The following ANK1 variants were observed in gnomAD, a reference collection of about 807,000 sequenced individuals.
The protein encoded by ANK1 is ankyrin 1.
ANK1 carries 51 observed loss-of-function variants against 210.4 expected under a neutral mutation model. The ratio of observed to expected loss-of-function variants is 0.24; its 90% CI spans 0.19 to 0.31. ANK1 has a LOEUF of 0.31. ANK1 is among the 10% of genes least tolerant of loss of function. ANK1 has a pLI of 1.00. For synonymous variants in ANK1, 967 were observed against 1,025.9 expected (o/e 0.94, Z 1.10); for missense variants, 2,051 against 2,504.4 (o/e 0.82, Z 3.86).
At chr8:41,871,919 A>T (rs1815584504) in intron 1 of ANK1, among the ~76,000 whole-genome samples, 1 of 152,118 alleles carries the variant, frequency 6.6e-6, no homozygotes, top group Non-Finnish European at 1.5e-5. Context: ...CCTCCCAGGG[A>T]TCTTGGCTGG....
intron 1 of ANK1, among the ~76,000 whole-genome samples, chr8:41,817,546 A>T (rs1436373284): frequency 6.6e-6 from 1 of 152,172 alleles, no homozygotes; most frequent in Non-Finnish European, 1.5e-5. Context: ...CATCCATCCG[A>T]TCTTCAGTTT....
chr8:41,777,816 A>G (rs1844420916), intron 1 of ANK1, among the ~76,000 whole-genome samples: 4 of 152,174 alleles, frequency 2.6e-5, no homozygotes, highest in African/African-American at 9.7e-5. Flanking sequence ...GTCAAGCATT[A>G]GAGAAAGAAT....
intron 3 of ANK1, among the ~76,000 whole-genome samples, chr8:41,733,372 G>A (rs963302027): frequency 2.6e-5 from 4 of 152,218 alleles, no homozygotes; most frequent in Admixed American, 6.5e-5. Flanking sequence ...ACAACCTTCA[G>A]TAACAACATG....
chr8:41,789,664 A>G (rs1441234566), intron 1 of ANK1, among the ~76,000 whole-genome samples: 1 of 152,200 alleles, frequency 6.6e-6, no homozygotes, highest in Non-Finnish European at 1.5e-5. Context: ...TTTCAGCACG[A>G]CCAGTATGGT....
At chr8:41,732,369 G>A (rs981050080) in intron 3 of ANK1, among the ~76,000 whole-genome samples, 5 of 152,160 alleles carry the variant, frequency 3.3e-5, no homozygotes, top group African/African-American at 9.6e-5. Context: ...AGTAACTGGG[G>A]AGACAGTACT....
chr8:41,762,563 G>T (rs1472264627), intron 1 of ANK1, among the ~76,000 whole-genome samples: 1 of 152,096 alleles, frequency 6.6e-6, no homozygotes, highest in South Asian at 2.1e-4. Flanking sequence ...CACATCCTAG[G>T]TTCCTCAGCA....
chr8:41,729,196 C>G (rs929750428), intron 3 of ANK1, among the ~76,000 whole-genome samples: 68 of 152,068 alleles, frequency 4.5e-4, no homozygotes, highest in Non-Finnish European at 1.5e-4. Context: ...AAGAAAAATA[C>G]AAAGAATATG....
intron 37 of ANK1, among the ~76,000 whole-genome samples, chr8:41,683,659 T>C (rs897881395): frequency 2.2e-4 from 34 of 152,302 alleles, no homozygotes; most frequent in Non-Finnish European, 4.0e-4. Context: ...ATTTTAGGGA[T>C]CCAATCCAAC....
intron 3 of ANK1, among the ~76,000 whole-genome samples, chr8:41,728,309 C>G (rs990965762): frequency 4.6e-5 from 7 of 152,320 alleles, no homozygotes; most frequent in African/African-American, 1.7e-4. Flanking sequence ...TTACATGAAG[C>G]AACTCAGAAG....
intron 38 of ANK1, among the ~76,000 whole-genome samples, chr8:41,669,629 G>A (rs970638042): frequency 6.6e-6 from 1 of 152,126 alleles, no homozygotes; most frequent in Non-Finnish European, 1.5e-5. Context: ...GCAGTGGGCA[G>A]GTCGAGGACA....
intron 1 of ANK1, among the ~76,000 whole-genome samples, chr8:41,806,381 G>A (rs1265030913): frequency 6.6e-6 from 1 of 152,000 alleles, no homozygotes; most frequent in African/African-American, 2.4e-5. Context: ...TGTATAAAAA[G>A]GAGCAAGATA....
chr8:41,775,824 C>A (rs531228588), intron 1 of ANK1, among the ~76,000 whole-genome samples: 10 of 152,262 alleles, frequency 6.6e-5, no homozygotes, highest in Non-Finnish European at 1.5e-4. Flanking sequence ...AAGTTCAAGG[C>A]TGCAGTGAGC....
chr8:41,864,091 A>C (rs1279052316), intron 1 of ANK1, among the ~76,000 whole-genome samples: 1 of 152,096 alleles, frequency 6.6e-6, no homozygotes, highest in African/African-American at 2.4e-5. Flanking sequence ...TCTACTAAAA[A>C]TACAAAAAAT....
chr8:41,818,009 C>A (rs974758840), intron 1 of ANK1, among the ~76,000 whole-genome samples: 1 of 152,236 alleles, frequency 6.6e-6, no homozygotes, highest in African/African-American at 2.4e-5. Flanking sequence ...AGATTTCCAA[C>A]CTTTTGGATG....
At chr8:41,661,609 C>G in intron 41 of ANK1, 45 bp from the exon 42 acceptor site, 1 of 1,612,032 alleles carries the variant, frequency 6.2e-7, no homozygotes, top group Non-Finnish European at 8.5e-7. Flanking sequence ...ATCGCAAAGA[C>G]GGGCAGAACA....
chr8:41,865,548 G>A (rs1814246382), intron 1 of ANK1, among the ~76,000 whole-genome samples: 2 of 152,106 alleles, frequency 1.3e-5, no homozygotes, highest in Non-Finnish European at 2.9e-5. Context: ...CACTGGCTCA[G>A]GGCAGATGGC....
intron 7 of ANK1, 33 bp downstream of exon 7, chr8:41,724,423 C>A (rs115806956): frequency 4.6e-6 from 7 of 1,530,348 alleles, no homozygotes; most frequent in Non-Finnish European, 6.2e-6. Context: ...CCCAAGCCCC[C>A]GGACAGTGAG....
At chr8:41,703,422 G>GTGTATATATATATATATATA (rs1286560913) in intron 20 of ANK1, among the ~76,000 whole-genome samples, 1 of 53,762 alleles carries the variant, frequency 1.9e-5, no homozygotes, top group African/African-American at 7.1e-5. Flanking sequence ...GTGTGTGTGT[G>GTGTATATATATATATATATA]TATATATATA....
chr8:41,765,980 G>GCC (rs1212930015), intron 1 of ANK1, among the ~76,000 whole-genome samples: 2 of 152,138 alleles, frequency 1.3e-5, no homozygotes, highest in South Asian at 4.1e-4. Flanking sequence ...TTTTCCCTAG[G>GCC]ACAAATCATG....
Sources: gnomAD v4.1 joint callset for allele counts (sites outside exome capture counted in the v4.1 genomes callset) on GRCh38, gnomAD v4.1.1 for gene constraint, MANE v1.5 for transcripts, NCBI Gene and HGNC (gene_info 2026-07-23, HGNC 2026-07-21) for gene names.